The following CCDC141 variants were observed in gnomAD, a reference collection of about 807,000 sequenced individuals.
CCDC141 encodes coiled-coil domain containing 141.
A neutral mutation model predicts 181.0 loss-of-function variants in CCDC141; 168 were observed. The ratio of observed to expected loss-of-function variants is 0.93; its 90% CI spans 0.82 to 1.05. The LOEUF (loss-of-function observed/expected upper bound fraction) is 1.05. CCDC141 is among the 50% of genes least tolerant of loss of function. CCDC141 has a pLI of 0.00. For missense variants in CCDC141, 1,902 were observed against 1,788.5 expected (o/e 1.06, Z -1.14); for synonymous variants, 666 against 642.3 (o/e 1.04, Z -0.56).
intron 2 of CCDC141, among the ~76,000 whole-genome samples, chr2:179,003,894 T>C (rs573824588): frequency 1.3e-5 from 2 of 152,314 alleles, no homozygotes; most frequent in African/African-American, 4.8e-5. Flanking sequence ...AACGCAATCA[T>C]TCATTTTGTT....
chr2:178,838,608 G>A (rs1017492795), intron 22 of CCDC141, among the ~76,000 whole-genome samples: 3 of 152,216 alleles, frequency 2.0e-5, no homozygotes, highest in African/African-American at 4.8e-5. Context: ...TAGTATTAGA[G>A]GCATAATTTG....
rs61397643 is a variant in CCDC141, at chr2:179,049,913, G to T, written c.29C>A (p.Ala10Glu). 16 of 1,550,590 alleles carry T rather than the reference G, an allele frequency of 1.0e-5. No homozygotes were observed. The East Asian group carries it at 3.9e-4, about 38-fold the overall frequency. ...TGAACTGACTGTCGTCGTAGAAAGC[G>T]CAACACTAGGACTTCCTTGGCTGGA... is the stretch of plus-strand genomic sequence containing the variant. The part of the protein sequence containing the change: MSSQGSPSV[A>E]LSTTTVSSVA... Residue 10 changes from alanine (A) to glutamate (E), a missense_variant, in exon 1 of 24, where the codon GCG (alanine) becomes GAG (glutamate). Coordinates refer to ENST00000443758, the MANE Select transcript of CCDC141 (RefSeq NM_173648.4).
chr2:179,007,845 T>C (rs948591434), intron 2 of CCDC141, among the ~76,000 whole-genome samples: 3 of 152,230 alleles, frequency 2.0e-5, no homozygotes, highest in Non-Finnish European at 4.4e-5. Context: ...CTGTCTCCAT[T>C]ATTTAATATA....
At chr2:178,960,067 C>T (rs1052915858) in intron 5 of CCDC141, among the ~76,000 whole-genome samples, 1 of 152,154 alleles carries the variant, frequency 6.6e-6, no homozygotes, top group Non-Finnish European at 1.5e-5. Flanking sequence ...ACTGGTATCT[C>T]GTTGATAGAG....
chr2:178,902,486 G>A (rs569788006), intron 8 of CCDC141, among the ~76,000 whole-genome samples: 1,729 of 151,746 alleles, frequency 0.011, 38 homozygotes, highest in African/African-American at 0.039. Context: ...GACAAACCTG[G>A]CAAAAACAAG....
At chr2:178,877,710 A>T (rs1686410214) in intron 12 of CCDC141, 1 of 530,974 alleles carries the variant, frequency 1.9e-6, no homozygotes, top group Non-Finnish European at 3.3e-6. Flanking sequence ...TTTAATAATA[A>T]CAATGTTGCA....
chr2:178,966,239 G>T (rs1415207097), intron 4 of CCDC141, among the ~76,000 whole-genome samples: 2 of 152,232 alleles, frequency 1.3e-5, no homozygotes, highest in Non-Finnish European at 2.9e-5. Context: ...GGGAGTAGCA[G>T]ACCTTCCAGC....
chr2:178,965,526 G>A (rs1575276795), intron 4 of CCDC141, among the ~76,000 whole-genome samples: 1 of 152,248 alleles, frequency 6.6e-6, no homozygotes, highest in African/African-American at 2.4e-5. Flanking sequence ...CAAGTGGTAG[G>A]GGAATTTTCT....
chr2:178,895,096 T>C (rs115468871), intron 8 of CCDC141, among the ~76,000 whole-genome samples: 2,453 of 152,294 alleles, frequency 0.016, 24 homozygotes, highest in Non-Finnish European at 0.027. Flanking sequence ...TACCGTTATA[T>C]TGTGAGGATA....
chr2:178,879,413 C>G, intron 11 of CCDC141, among the ~76,000 whole-genome samples: 1 of 152,172 alleles, frequency 6.6e-6, no homozygotes, highest in Non-Finnish European at 1.5e-5. Flanking sequence ...CTCTCAGAAA[C>G]AGAAGCTGTC....
At chr2:178,881,486 C>T (rs11884950) in intron 11 of CCDC141, among the ~76,000 whole-genome samples, 20,259 of 152,008 alleles carry the variant, frequency 0.13, 1,382 homozygotes, top group African/African-American at 0.14. Context: ...CAAATAAATA[C>T]GGCAGAAAGA....
intron 16 of CCDC141, 100 bp from the exon 17 acceptor site, chr2:178,866,016 T>C (rs140820971): frequency 1.7e-5 from 17 of 972,558 alleles, no homozygotes; most frequent in South Asian, 3.7e-5. Flanking sequence ...TGACACTTTT[T>C]AAAAAAAGAA....
At chr2:178,991,861 T>A (rs888552414) in intron 2 of CCDC141, among the ~76,000 whole-genome samples, 4 of 151,800 alleles carry the variant, frequency 2.6e-5, no homozygotes, top group Non-Finnish European at 5.9e-5. Flanking sequence ...ATATTAAGAT[T>A]GAGGGCTATA....
At chr2:178,909,467 C>T (rs980896033) in intron 7 of CCDC141, among the ~76,000 whole-genome samples, 1 of 152,102 alleles carries the variant, frequency 6.6e-6, no homozygotes, top group Non-Finnish European at 1.5e-5. Flanking sequence ...CTAACCAACC[C>T]GTAATAGGAA....
intron 4 of CCDC141, among the ~76,000 whole-genome samples, chr2:178,973,132 T>G (rs909519976): frequency 1.1e-4 from 17 of 152,290 alleles, no homozygotes; most frequent in Middle Eastern, 3.4e-3. Context: ...ATTTCACCCT[T>G]TAATATGCAT....
intron 5 of CCDC141, among the ~76,000 whole-genome samples, chr2:178,948,866 C>T (rs1052121498): frequency 6.6e-6 from 1 of 152,210 alleles, no homozygotes; most frequent in African/African-American, 2.4e-5. Flanking sequence ...CCCAATCTTT[C>T]AGCCAGCAGA....
At chr2:178,945,890 G>T (rs1358408450) in intron 5 of CCDC141, among the ~76,000 whole-genome samples, 1 of 149,510 alleles carries the variant, frequency 6.7e-6, no homozygotes, top group Admixed American at 6.7e-5. Context: ...AGAGTTAAGG[G>T]CTCACCTAGA....
chr2:178,883,507 T>G (rs1686725667), intron 11 of CCDC141, among the ~76,000 whole-genome samples: 1 of 151,568 alleles, frequency 6.6e-6, no homozygotes, highest in Admixed American at 6.6e-5. Flanking sequence ...AAGGATGCAG[T>G]GGTGAATTGA....
At chr2:179,047,512 C>A (rs529271192) in intron 1 of CCDC141, 106 bp from the exon 2 acceptor site, 1 of 1,000,610 alleles carries the variant, frequency 1.0e-6, no homozygotes. Flanking sequence ...ATACTGTAAA[C>A]ACTTTTTTCT....
Sources: allele counts gnomAD v4.1 joint callset (sites outside exome capture counted in the v4.1 genomes callset), GRCh38; gene constraint gnomAD v4.1.1; transcripts MANE v1.5; gene names NCBI Gene and HGNC (gene_info 2026-07-23, HGNC 2026-07-21).